GTF2F2: variants seen among roughly 807,000 people sequenced by gnomAD.
GTF2F2 encodes the protein ATP-dependent helicase GTF2F2.
Under a neutral mutation model 42.2 loss-of-function variants are expected in GTF2F2, and 23 were observed. That is an observed-to-expected ratio of 0.55 (90% CI 0.39 to 0.77). GTF2F2 has a LOEUF of 0.77. Among genes scored for constraint, GTF2F2 ranks in the 30% least tolerant of loss-of-function variants. The probability of loss-of-function intolerance (pLI) is 0.00; values close to 1 mark genes in which losing one functional copy is unlikely to be tolerated. For synonymous variants in GTF2F2, 105 were observed against 100.8 expected (o/e 1.04, Z -0.25); for missense variants, 261 against 287.2 (o/e 0.91, Z 0.66).
chr13:45,170,269 G>C (rs1203608881), intron 4 of GTF2F2, among the ~76,000 whole-genome samples: 2 of 152,158 alleles, frequency 1.3e-5, no homozygotes, highest in African/African-American at 4.8e-5. Flanking sequence ...GCCTTGGCCT[G>C]CCAAAGTGTT....
chr13:45,166,171 A>G (rs1871290358), intron 4 of GTF2F2, among the ~76,000 whole-genome samples: 1 of 152,198 alleles, frequency 6.6e-6, no homozygotes, highest in Non-Finnish European at 1.5e-5. Flanking sequence ...CCATAAGGTC[A>G]TTATGATACC....
chr13:45,166,537 G>C (rs1355750994), intron 4 of GTF2F2, among the ~76,000 whole-genome samples: 1 of 152,192 alleles, frequency 6.6e-6, no homozygotes, highest in Non-Finnish European at 1.5e-5. Context: ...AAGTACGAAA[G>C]CTGTGTTCAC....
chr13:45,241,153 C>A (rs997156127), intron 5 of GTF2F2, among the ~76,000 whole-genome samples: 1 of 147,686 alleles, frequency 6.8e-6, no homozygotes, highest in South Asian at 2.1e-4. Context: ...CAGAATGAGA[C>A]CTTGCCTTAA....
chr13:45,194,809 G>A (rs1593483986), intron 4 of GTF2F2: 2 of 500,246 alleles, frequency 4.0e-6, no homozygotes, highest in East Asian at 6.2e-5. Flanking sequence ...GAAGGGATTT[G>A]TTGTGAAAGG....
At chr13:45,235,273 T>G (rs904372246) in intron 5 of GTF2F2, among the ~76,000 whole-genome samples, 5 of 151,996 alleles carry the variant, frequency 3.3e-5, no homozygotes, top group African/African-American at 1.2e-4. Flanking sequence ...TTTTAAACAA[T>G]TTTATTTAAA....
chr13:45,184,386 T>TCC (rs1263994115), intron 4 of GTF2F2, among the ~76,000 whole-genome samples: 9 of 147,794 alleles, frequency 6.1e-5, no homozygotes, highest in African/African-American at 1.6e-4. Context: ...TTAACTTTAT[T>TCC]CCCCCCCGCC....
chr13:45,270,280 T>C (rs755252221), intron 7 of GTF2F2, among the ~76,000 whole-genome samples: 1 of 152,198 alleles, frequency 6.6e-6, no homozygotes, highest in Non-Finnish European at 1.5e-5. Context: ...GTAACTGATA[T>C]AAAGTCGGGG....
intron 4 of GTF2F2, among the ~76,000 whole-genome samples, chr13:45,153,183 T>G (rs1164426614): frequency 1.3e-5 from 2 of 151,424 alleles, no homozygotes; most frequent in African/African-American, 4.8e-5. Flanking sequence ...CTAATTTTTT[T>G]TTTTTTTTGT....
chr13:45,142,072 G>A (rs539671338), intron 2 of GTF2F2, among the ~76,000 whole-genome samples: 1 of 152,080 alleles, frequency 6.6e-6, no homozygotes, highest in South Asian at 2.1e-4. Flanking sequence ...TCTCACTTTA[G>A]TCTTGAATTC....
chr13:45,280,658 TC>T, intron 7 of GTF2F2, among the ~76,000 whole-genome samples: 1 of 152,336 alleles, frequency 6.6e-6, no homozygotes, highest in East Asian at 1.9e-4. Flanking sequence ...TAAAAAGAAT[TC>T]CATATGTTCT....
Position 45,216,594 on chromosome 13 carries a change from G to A in GTF2F2, c.386+9089G>A, listed in dbSNP as rs566149141. 2.6e-5 allele frequency among the ~76,000 whole-genome samples: 4 copies of A among 152,124 alleles called. 1 individual carries two copies. Among genetic ancestry groups the A allele is most frequent in the South Asian group, 4.2e-4 (2 of 4,812 alleles). On this transcript the variant is annotated intron_variant, in intron 5 of 7. Coordinates refer to ENST00000340473, the MANE Select transcript of GTF2F2 (RefSeq NM_004128.3). Reference sequence around the variant, plus strand: ...TGCAGCCGTGTGATCTCAGCCCACCGCAACCTCTGTGCCCCTGGGTTCAAG... The same window carrying A: ...TGCAGCCGTGTGATCTCAGCCCACCACAACCTCTGTGCCCCTGGGTTCAAG...
At chr13:45,134,766 G>A (rs1869530038) in intron 1 of GTF2F2, among the ~76,000 whole-genome samples, 1 of 152,118 alleles carries the variant, frequency 6.6e-6, no homozygotes, top group Non-Finnish European at 1.5e-5. Context: ...AGTGAAGAGA[G>A]CAGAAGACCA....
chr13:45,232,760 G>A (rs1338167309), intron 5 of GTF2F2, among the ~76,000 whole-genome samples: 1 of 152,058 alleles, frequency 6.6e-6, no homozygotes, highest in African/African-American at 2.4e-5. Flanking sequence ...CCCACCATAA[G>A]TTCCTTTAGT....
At chr13:45,174,246 G>T (rs1871750606) in intron 4 of GTF2F2, among the ~76,000 whole-genome samples, 2 of 152,100 alleles carry the variant, frequency 1.3e-5, no homozygotes, top group Admixed American at 6.6e-5. Context: ...GGGTAATATG[G>T]TAATTGCAAG....
intron 5 of GTF2F2, among the ~76,000 whole-genome samples, chr13:45,217,297 CA>C (rs397851526): frequency 0.43 from 37,116 of 85,458 alleles, 6,570 homozygotes; most frequent in African/African-American, 0.65. Flanking sequence ...GACTCCATCT[CA>C]AAAAAAAAAA....
rs143317005 is a variant in GTF2F2 at position 45,125,616 on chromosome 13, C to T, written c.66+4895C>T. ...GGATTACCGGTGTGAGCCACTGTGCCCAGCCCCCTTTGTGTCTCTTTAATG... is the reference window on the plus strand; with the variant it reads ...GGATTACCGGTGTGAGCCACTGTGCTCAGCCCCCTTTGTGTCTCTTTAATG... On this transcript the variant is annotated intron_variant, in intron 1 of 7. Coordinates refer to ENST00000340473, the MANE Select transcript of GTF2F2 (RefSeq NM_004128.3). Among the ~76,000 whole-genome samples the T allele has an allele frequency of 6.9e-3, 1,053 of 152,216 alleles. 14 individuals carry two copies. The highest frequency in any genetic ancestry group is 0.024 in the African/African-American group (987 of 41,498).
chr13:45,155,553 G>A (rs183502574), intron 4 of GTF2F2, among the ~76,000 whole-genome samples: 360 of 152,222 alleles, frequency 2.4e-3, no homozygotes, highest in Non-Finnish European at 4.4e-3. Context: ...TATCTTTTAG[G>A]GAGAGCGAAT....
intron 7 of GTF2F2, among the ~76,000 whole-genome samples, chr13:45,278,198 A>G (rs1271660119): frequency 6.6e-6 from 1 of 152,178 alleles, no homozygotes; most frequent in Non-Finnish European, 1.5e-5. Context: ...GTGCCTTATG[A>G]CTATAGGTTT....
intron 5 of GTF2F2, among the ~76,000 whole-genome samples, chr13:45,210,874 A>G (rs1217480598): frequency 6.6e-6 from 1 of 152,240 alleles, no homozygotes; most frequent in Non-Finnish European, 1.5e-5. Context: ...TGGCCATAGT[A>G]TAAAGATTAG....
Sources: allele counts gnomAD v4.1 joint callset (sites outside exome capture counted in the v4.1 genomes callset), GRCh38; gene constraint gnomAD v4.1.1; transcripts MANE v1.5; gene names NCBI Gene and HGNC (gene_info 2026-07-23, HGNC 2026-07-21).